LRRC7: variants seen among roughly 807,000 people sequenced by gnomAD.
LRRC7 encodes the protein leucine rich repeat containing 7.
A neutral mutation model predicts 175.7 loss-of-function variants in LRRC7; 23 were observed. That is an observed-to-expected ratio of 0.13 (90% CI 0.09 to 0.19). LRRC7 has a LOEUF of 0.19. Ranked by LOEUF, LRRC7 falls within the 10% of genes least tolerant of loss-of-function variation. The pLI, the probability that LRRC7 is intolerant of heterozygous loss-of-function variation, is 1.00. For missense variants in LRRC7, 1,354 were observed against 1,904.7 expected (o/e 0.71, Z 5.38); for synonymous variants, 685 against 680.9 (o/e 1.01, Z -0.09).
intron 4 of LRRC7, among the ~76,000 whole-genome samples, chr1:69,825,490 T>C (rs1010206971): frequency 1.3e-5 from 2 of 152,088 alleles, no homozygotes; most frequent in Non-Finnish European, 2.9e-5. Context: ...AATACACAAT[T>C]GTCCTCAATT....
Position 69,678,431 on chromosome 1 carries a change from C to A in LRRC7, c.53C>A (p.Pro18His). Residue 18 changes from proline (P) to histidine (H), a missense_variant, in exon 2 of 27, where the codon CCT (proline) becomes CAT (histidine). Around this residue, in one of 4 missense-constraint regions of LRRC7, gnomAD observed 68 missense variants for 83.4 expected, o/e 0.82. Transcript: ENST00000651989. ...AATCCCCCGCAATACCAGAGAAGTC[C>A]TTGTAAAGAGGTTCGTGCAGCACTT... ...GRNPPQYQRS[P>H]CKEVRAALRK... 1 of 1,605,686 alleles carries A rather than the reference C, an allele frequency of 6.2e-7. No individual in the cohort carries two copies. The highest frequency in any genetic ancestry group is 8.5e-7 in the Non-Finnish European group (1 of 1,176,484).
chr1:69,819,591 G>C (rs1479804163), intron 4 of LRRC7, among the ~76,000 whole-genome samples: 1 of 150,998 alleles, frequency 6.6e-6, no homozygotes, highest in Admixed American at 6.6e-5. Context: ...GTGTGTGTGT[G>C]TGTGTGTGTG....
chr1:70,068,099 T>C (rs1001902322), intron 23 of LRRC7, among the ~76,000 whole-genome samples: 1 of 152,140 alleles, frequency 6.6e-6, no homozygotes, highest in Non-Finnish European at 1.5e-5. Context: ...GCATTTTACT[T>C]CCTTTTCTTC....
chr1:69,861,230 AT>A (rs1684326124), intron 7 of LRRC7, among the ~76,000 whole-genome samples: 1 of 152,162 alleles, frequency 6.6e-6, no homozygotes, highest in Non-Finnish European at 1.5e-5. Context: ...GCTATTGGCA[AT>A]TTGTAAATTT....
chr1:69,600,894 C>T (rs1031464951), intron 1 of LRRC7, among the ~76,000 whole-genome samples: 52 of 144,728 alleles, frequency 3.6e-4, no homozygotes, highest in African/African-American at 1.1e-3. Context: ...TCACTCCAAC[C>T]TCTGCCTCCC....
chr1:70,044,198 C>T, intron 22 of LRRC7, 104 bp downstream of exon 22: 1 of 1,200,738 alleles, frequency 8.3e-7, no homozygotes, highest in Non-Finnish European at 1.1e-6. Flanking sequence ...TTACTATAGG[C>T]TCCTATGAGT....
chr1:69,969,788 A>ATGT (rs1652040636), intron 8 of LRRC7, among the ~76,000 whole-genome samples: 1 of 152,224 alleles, frequency 6.6e-6, no homozygotes, highest in Non-Finnish European at 1.5e-5. Context: ...GACTTAACAT[A>ATGT]TATTTACATG....
chr1:69,828,857 T>A (rs1374213160), intron 5 of LRRC7, among the ~76,000 whole-genome samples: 2 of 151,980 alleles, frequency 1.3e-5, no homozygotes, highest in African/African-American at 2.4e-5. Context: ...TTATATGGTT[T>A]AACTGTTCTA....
In LRRC7 at chr1:69,781,552, C is replaced by T. The variant is rs554727156; in HGVS notation, c.304-10491C>T. Among the ~76,000 whole-genome samples the T allele has an allele frequency of 4.0e-5, 6 of 150,646 alleles. No homozygotes were observed. The South Asian group carries it at 8.4e-4, about 21-fold the overall frequency. On this transcript the variant is annotated intron_variant, in intron 3 of 26. Coordinates refer to ENST00000651989, the MANE Select transcript of LRRC7 (RefSeq NM_001370785.2). The stretch of plus-strand genomic sequence containing the variant: ...TAAAAAATTAGCCAGGTGTGGTGTG[C>T]ACAACTGTAATCCCAGCTACTTGGC...
intron 9 of LRRC7, among the ~76,000 whole-genome samples, chr1:69,986,006 C>G (rs1025029256): frequency 6.6e-6 from 1 of 152,024 alleles, no homozygotes; most frequent in African/African-American, 2.4e-5. Flanking sequence ...AGTGGTATAA[C>G]CCTATTTATT....
At chr1:69,879,661 A>G (rs2421307) in intron 7 of LRRC7, 85,980 of 152,116 alleles carry the variant, frequency 0.57, 24,384 homozygotes, top group East Asian at 0.7. Flanking sequence ...TCTTGACCCC[A>G]GGAGTTCTAG....
intron 7 of LRRC7, among the ~76,000 whole-genome samples, chr1:69,841,581 T>G (rs141563920): frequency 4.7e-4 from 71 of 152,184 alleles, no homozygotes; most frequent in African/African-American, 1.6e-3. Context: ...TATAAAATAG[T>G]CTCCCTTCTT....
At chr1:69,783,176 A>G (rs1432974864) in intron 3 of LRRC7, among the ~76,000 whole-genome samples, 1 of 151,338 alleles carries the variant, frequency 6.6e-6, no homozygotes, top group African/African-American at 2.4e-5. Context: ...AATCTTCCCT[A>G]CCTCCCCATC....
chr1:69,829,087 C>A (rs1287235326), intron 5 of LRRC7, among the ~76,000 whole-genome samples: 3 of 151,764 alleles, frequency 2.0e-5, no homozygotes, highest in Admixed American at 6.6e-5. Context: ...ATTAAAATTT[C>A]TTTGATTTGC....
At chr1:69,570,833 G>T (rs1032137973) in intron 1 of LRRC7, among the ~76,000 whole-genome samples, 7 of 152,154 alleles carry the variant, frequency 4.6e-5, no homozygotes, top group Non-Finnish European at 1.0e-4. Flanking sequence ...TATATTGGGG[G>T]TGTGTTTAGT....
At chr1:70,050,230 G>T (rs1660649723) in intron 22 of LRRC7, among the ~76,000 whole-genome samples, 1 of 152,072 alleles carries the variant, frequency 6.6e-6, no homozygotes, top group Admixed American at 6.6e-5. Flanking sequence ...AGCAAAATTA[G>T]AAATTACTTG....
intron 7 of LRRC7, among the ~76,000 whole-genome samples, chr1:69,903,213 C>G (rs1427962490): frequency 6.6e-6 from 1 of 152,174 alleles, no homozygotes; most frequent in Admixed American, 6.5e-5. Context: ...CAGCTCCAGT[C>G]TGCAGCTCCC....
At chr1:69,864,043 C>T (rs1684643012) in intron 7 of LRRC7, among the ~76,000 whole-genome samples, 1 of 152,072 alleles carries the variant, frequency 6.6e-6, no homozygotes, top group African/African-American at 2.4e-5. Context: ...TTTTTCTACT[C>T]TTTGATTAAC....
At chr1:69,945,096 A>G (rs923766829) in intron 8 of LRRC7, among the ~76,000 whole-genome samples, 1 of 152,098 alleles carries the variant, frequency 6.6e-6, no homozygotes, top group African/African-American at 2.4e-5. Flanking sequence ...AACGCCAAGA[A>G]ACTTTTTTCT....
Sources: gnomAD v4.1 joint callset for allele counts (sites outside exome capture counted in the v4.1 genomes callset) on GRCh38, gnomAD v4.1.1 for gene constraint, gnomAD v4.1.1 regional missense constraint, MANE v1.5 for transcripts, NCBI Gene and HGNC (gene_info 2026-07-23, HGNC 2026-07-21) for gene names.